Variants in NAV2 observed in about 807,000 individuals in gnomAD.
The protein encoded by NAV2 is neuron navigator 2.
Under a neutral mutation model 223.2 loss-of-function variants are expected in NAV2, and 54 were observed. The observed-to-expected ratio is 0.24, with a 90% confidence interval of 0.19 to 0.30. The LOEUF (loss-of-function observed/expected upper bound fraction) is 0.30. NAV2 is among the 10% of genes least tolerant of loss of function. NAV2 has a pLI of 1.00. For synonymous variants in NAV2, 1,279 were observed against 1,239.3 expected (o/e 1.03, Z -0.67); for missense variants, 2,806 against 3,147.5 (o/e 0.89, Z 2.60).
At chr11:19,581,700 C>CT (rs1205453315) in intron 1 of NAV2, among the ~76,000 whole-genome samples, 4 of 152,090 alleles carry the variant, frequency 2.6e-5, no homozygotes, top group African/African-American at 4.8e-5. Flanking sequence ...TGAACTCATC[C>CT]TTTTTTATGG....
chr11:20,039,727 A>C (rs2056737936), intron 12 of NAV2, among the ~76,000 whole-genome samples: 1 of 152,240 alleles, frequency 6.6e-6, no homozygotes, highest in African/African-American at 2.4e-5. Context: ...CTGAGGAGCA[A>C]AGATGCACAC....
chr11:19,916,474 C>T (rs1405386402), intron 6 of NAV2, among the ~76,000 whole-genome samples: 1 of 152,214 alleles, frequency 6.6e-6, no homozygotes. Flanking sequence ...CTAACTAGAA[C>T]ATCTCTTTTC....
chr11:19,665,143 G>A (rs1218277593), intron 1 of NAV2, among the ~76,000 whole-genome samples: 1 of 152,198 alleles, frequency 6.6e-6, no homozygotes, highest in Non-Finnish European at 1.5e-5. Flanking sequence ...GGGAGCCATT[G>A]CAGAGCCTGA....
intron 1 of NAV2, among the ~76,000 whole-genome samples, chr11:19,401,007 C>T (rs1849661997): frequency 6.6e-6 from 1 of 152,108 alleles, no homozygotes; most frequent in African/African-American, 2.4e-5. Context: ...CATTGGCTCC[C>T]TCTAAATTAT....
chr11:19,906,226 G>A (rs759099590), intron 6 of NAV2, among the ~76,000 whole-genome samples: 1 of 152,176 alleles, frequency 6.6e-6, no homozygotes, highest in Non-Finnish European at 1.5e-5. Flanking sequence ...TCTGGTGGTA[G>A]GTGAGTTCGA....
At chr11:20,049,682 T>C (rs182699725) in intron 15 of NAV2, among the ~76,000 whole-genome samples, 154 bp from the exon 16 acceptor site, 13 of 152,160 alleles carry the variant, frequency 8.5e-5, no homozygotes, top group Admixed American at 2.0e-4. Context: ...GAGCCCTGGA[T>C]TTCTCTGCAG....
intron 1 of NAV2, among the ~76,000 whole-genome samples, chr11:19,453,794 T>C (rs1443140230): frequency 6.6e-6 from 1 of 152,198 alleles, no homozygotes; most frequent in Non-Finnish European, 1.5e-5. Flanking sequence ...AATGACTCTG[T>C]TAGGTTTTGT....
At chr11:19,801,145 G>A (rs1350224571) in intron 1 of NAV2, among the ~76,000 whole-genome samples, 1 of 152,234 alleles carries the variant, frequency 6.6e-6, no homozygotes, top group East Asian at 1.9e-4. Context: ...AAATGAGTCA[G>A]CTTTGATCAG....
rs1490992866 is a variant in NAV2 at position 20,118,470 on chromosome 11, A to G, written c.*212A>G. 5.1e-6 allele frequency: 3 copies of G among 582,538 alleles called. No individual in the cohort carries two copies. Among genetic ancestry groups the G allele is most frequent in the Admixed American group, 5.9e-5 (2 of 33,930 alleles). The allele number at this position is 582,538 out of a possible 1,614,324, so 36.1% of individuals were successfully genotyped here. ...CGCTTCCTTCCACAGCGAGAACTGC[A>G]CTACCTTCTGTTGTACTTTAATTAT... On this transcript the variant is annotated 3_prime_UTR_variant, in exon 38 of 38. Transcript: ENST00000349880.
intron 1 of NAV2, among the ~76,000 whole-genome samples, chr11:19,416,871 G>A (rs531132901): frequency 2.2e-3 from 333 of 152,278 alleles, no homozygotes; most frequent in African/African-American, 7.5e-3. Flanking sequence ...AATAAATGGT[G>A]TTGGGAAAAC....
At chr11:19,913,443 T>C (rs1209617035) in intron 6 of NAV2, among the ~76,000 whole-genome samples, 5 of 152,208 alleles carry the variant, frequency 3.3e-5, no homozygotes, top group Non-Finnish European at 7.3e-5. Context: ...CTTATCTTCC[T>C]GTCAGCTGGG....
intron 1 of NAV2, among the ~76,000 whole-genome samples, chr11:19,807,668 T>C (rs1180114053): frequency 6.6e-6 from 1 of 152,144 alleles, no homozygotes; most frequent in Non-Finnish European, 1.5e-5. Flanking sequence ...TGCAGGGATA[T>C]CCACTGCAGG....
At chr11:19,661,601 C>T (rs1006159203) in intron 1 of NAV2, among the ~76,000 whole-genome samples, 1 of 152,178 alleles carries the variant, frequency 6.6e-6, no homozygotes, top group African/African-American at 2.4e-5. Context: ...GCTTTGTGCT[C>T]TGGGACAAGT....
chr11:19,604,078 G>A (rs75461976), intron 1 of NAV2, among the ~76,000 whole-genome samples: 288 of 152,302 alleles, frequency 1.9e-3, no homozygotes, highest in African/African-American at 6.7e-3. Flanking sequence ...GAGGCAGTGG[G>A]CTGTATCACA....
intron 1 of NAV2, among the ~76,000 whole-genome samples, chr11:19,447,548 G>A (rs1284727885): frequency 3.9e-5 from 6 of 152,194 alleles, no homozygotes; most frequent in African/African-American, 1.4e-4. Flanking sequence ...AAGGCGAGAC[G>A]ATGCATTTAA....
At chr11:19,595,200 C>T (rs1335020552) in intron 1 of NAV2, among the ~76,000 whole-genome samples, 1 of 152,164 alleles carries the variant, frequency 6.6e-6, no homozygotes, top group Non-Finnish European at 1.5e-5. Flanking sequence ...TGGAGGGTCA[C>T]TCCTGGGGCA....
chr11:19,355,783 A>G (rs1853583066), intron 1 of NAV2, among the ~76,000 whole-genome samples: 2 of 152,204 alleles, frequency 1.3e-5, no homozygotes, highest in Non-Finnish European at 2.9e-5. Flanking sequence ...AACAATGCCC[A>G]TGTCATTCAG....
At chr11:19,993,808 C>T (rs974296515) in intron 11 of NAV2, among the ~76,000 whole-genome samples, 2 of 152,150 alleles carry the variant, frequency 1.3e-5, no homozygotes, top group Non-Finnish European at 2.9e-5. Flanking sequence ...AGTTGTATTT[C>T]AACAAAGTAT....
chr11:19,398,696 T>C (rs1849564347), intron 1 of NAV2, among the ~76,000 whole-genome samples: 1 of 152,202 alleles, frequency 6.6e-6, no homozygotes, highest in Non-Finnish European at 1.5e-5. Flanking sequence ...CTTCTGACTC[T>C]CAGTTCTTGC....
Sources: allele counts gnomAD v4.1 joint callset (sites outside exome capture counted in the v4.1 genomes callset), GRCh38; gene constraint gnomAD v4.1.1; transcripts MANE v1.5; gene names NCBI Gene and HGNC (gene_info 2026-07-23, HGNC 2026-07-21).